Variants in INTS11 observed in about 807,000 individuals in gnomAD.
INTS11 encodes CPSF3-like protein.
A neutral mutation model predicts 78.6 loss-of-function variants in INTS11; 77 were observed. The ratio of observed to expected loss-of-function variants is 0.98; its 90% CI spans 0.81 to 1.18. INTS11 has a LOEUF of 1.18. Ranked by LOEUF, INTS11 falls within the 50% of genes most tolerant of loss-of-function variation. The probability of loss-of-function intolerance (pLI) is 0.00; values close to 1 mark genes in which losing one functional copy is unlikely to be tolerated. For synonymous variants in INTS11, 441 were observed against 326.9 expected, an observed-to-expected ratio of 1.35 and a Z score of -3.77; for missense variants, 875 against 825.9, an observed-to-expected ratio of 1.06 and a Z score of -0.73.
rs561688546 is a variant in INTS11 at position 1,312,751 on chromosome 1, C to A, written c.1294+36G>T. 22 of 1,596,134 alleles carry A rather than the reference C, an allele frequency of 1.4e-5. No individual in the cohort carries two copies. The African/African-American group carries it at 2.5e-4, about 18-fold the overall frequency. On this transcript the variant is annotated intron_variant, in intron 12 of 16. Transcript: ENST00000435064. ...TCAGCCCAGGCTGCCCGTGCTGACC[C>A]GAGGTGGGCCCCACGCCGCCCGCCC...
At chr1:1,322,257 A>G (rs1642989670) in intron 1 of INTS11, among the ~76,000 whole-genome samples, 1 of 151,772 alleles carries the variant, frequency 6.6e-6, no homozygotes, top group Non-Finnish European at 1.5e-5. Flanking sequence ...CCAGTCCTGA[A>G]GTACTGGCAG....
chr1:1,324,284 A>G (rs1292141842), intron 1 of INTS11, among the ~76,000 whole-genome samples: 1 of 151,776 alleles, frequency 6.6e-6, no homozygotes, highest in Admixed American at 6.5e-5. Context: ...CGGCACGGGG[A>G]GGTCAAGGCA....
intron 1 of INTS11, chr1:1,322,859 A>C: frequency 8.8e-7 from 1 of 1,139,778 alleles, no homozygotes; most frequent in Non-Finnish European, 1.1e-6. Context: ...GGTGCAGGGA[A>C]GCGGTGAAAC....
intron 15 of INTS11, 33 bp from the exon 16 acceptor site, chr1:1,312,180 C>A (rs1642221062): frequency 6.9e-7 from 1 of 1,456,966 alleles, no homozygotes; most frequent in East Asian, 2.4e-5. Context: ...CCTGCCTGGC[C>A]TCCAGGGCCC....
At chr1:1,315,652 C>T (rs748400079) in intron 4 of INTS11, 34 bp from the exon 5 acceptor site, 51 of 1,524,610 alleles carry the variant, frequency 3.3e-5, no homozygotes, top group Non-Finnish European at 4.6e-5. Flanking sequence ...AGGCTGTGTC[C>T]TCACAGCAGA....
Position 1,315,441 on chromosome 1 carries a change from G to A in INTS11, c.529-3C>T, listed in dbSNP as rs767544870. The A allele has an allele frequency of 1.9e-6, 3 of 1,613,110 alleles. No individual in the cohort carries two copies. Among genetic ancestry groups the A allele is most frequent in the Non-Finnish European group, 2.5e-6 (3 of 1,179,908 alleles). On this transcript the variant is annotated splice_polypyrimidine_tract_variant and splice_region_variant and intron_variant, in intron 5 of 16. Coordinates refer to ENST00000435064, the MANE Select transcript of INTS11 (RefSeq NM_017871.6). ...TCTGGGGTCATGTTATAATCACCCT[G>A]GTGAACGATCAAGGATGCCATGAGG...
At position 1,312,293 on chromosome 1, in the gene INTS11, G is replaced by C; in HGVS notation, c.1540C>G (p.Arg514Gly). The change falls in exon 15 of 17, where the codon CGC (arginine) becomes GGC (glycine). Residue 514 changes from arginine to glycine, a missense_variant. Arg to Gly is a moderately radical substitution (Grantham distance 125). Coordinates refer to ENST00000435064, the MANE Select transcript of INTS11 (RefSeq NM_017871.6). ...TTGCGTGTGTCATGCAGGTGCACGC[G>C]GCAGGTGAAGCGCAGCTGGTGCTCA... Reference protein sequence around the residue: ...LAEHQLRFTCRVHLHDTRKEQ... With the variant: ...LAEHQLRFTCGVHLHDTRKEQ... 6.4e-7 allele frequency: 1 copy of C among 1,550,522 alleles called. No individual in the cohort carries two copies. Among genetic ancestry groups the C allele is most frequent in the Non-Finnish European group, 8.7e-7 (1 of 1,147,154 alleles).
Position 1,312,471 on chromosome 1 carries a change from A to G in INTS11, c.1433T>C (p.Leu478Pro). 1 of 1,577,048 alleles carries G rather than the reference A, an allele frequency of 6.3e-7. No individual in the cohort carries two copies. Among genetic ancestry groups the G allele is most frequent in the Non-Finnish European group, 8.6e-7 (1 of 1,161,960 alleles). ...GLLPEAKKPR[L>P]LHGTLIMKDS... Reference sequence around the variant, plus strand: ...CTTCATGATCAGGGTGCCGTGCAGGAGCCGAGGCTTCTTGGCCTCAGGGAG... The same window carrying G: ...CTTCATGATCAGGGTGCCGTGCAGGGGCCGAGGCTTCTTGGCCTCAGGGAG... The change falls in exon 14 of 17, where the codon CTC becomes CCC. Residue 478 changes from leucine (L) to proline (P), a missense_variant. Leu to Pro is a moderately conservative substitution (Grantham distance 98, BLOSUM62 -3). Coordinates refer to ENST00000435064, the MANE Select transcript of INTS11 (RefSeq NM_017871.6).
At chr1:1,322,756 G>T in intron 1 of INTS11, 1 of 385,058 alleles carries the variant, frequency 2.6e-6, no homozygotes, top group South Asian at 1.0e-4. Flanking sequence ...CGGCGGCGGG[G>T]GGGGTAGCCA....
chr1:1,313,987 C>T (rs12569280), intron 8 of INTS11, 66 bp from the exon 9 acceptor site: 45 of 1,519,916 alleles, frequency 3.0e-5, no homozygotes, highest in South Asian at 1.3e-4. Context: ...AGGACTCGGC[C>T]GGGTCACCCC....
intron 2 of INTS11, 119 bp from the exon 3 acceptor site, chr1:1,320,648 C>T (rs1178417561): frequency 3.0e-6 from 3 of 1,002,580 alleles, no homozygotes; most frequent in Admixed American, 3.5e-5. Flanking sequence ...TCAGGCTGGG[C>T]ACTCCCATCC....
chr1:1,323,244 GC>G (rs1401167636), intron 1 of INTS11: 1 of 1,550,302 alleles, frequency 6.5e-7, no homozygotes, highest in African/African-American at 1.4e-5. Context: ...TCGACCCCCT[GC>G]CCGGTGGAAG....
chr1:1,313,428 G>T, intron 10 of INTS11, 81 bp downstream of exon 10: 1 of 1,507,676 alleles, frequency 6.6e-7, no homozygotes. Context: ...CCAAGCCAGT[G>T]AGAGCTCAGA....
Position 1,312,137 on chromosome 1 carries a change from C to T in INTS11, c.1618G>A (p.Asp540Asn). The part of the protein sequence containing the change: ...VYSHLKSVLK[D>N]HCVQHLPDGS... Reference sequence around the variant, plus strand: ...TCTGGGAGGTGCTGCACACAGTGGTCCTTCAGGACGCTGTGGGGAGGCTCG... The same window carrying T: ...TCTGGGAGGTGCTGCACACAGTGGTTCTTCAGGACGCTGTGGGGAGGCTCG... Residue 540 changes from aspartate to asparagine, a missense_variant, in exon 16 of 17, where the codon GAC becomes AAC. Transcript: ENST00000435064. 2 of 1,545,214 alleles carry T rather than the reference C, an allele frequency of 1.3e-6. No homozygotes were observed. Among genetic ancestry groups the T allele is most frequent in the Non-Finnish European group, 8.7e-7 (1 of 1,145,688 alleles).
At chr1:1,319,589 C>T in intron 3 of INTS11, 65 bp from the exon 4 acceptor site, 1 of 1,203,650 alleles carries the variant, frequency 8.3e-7, no homozygotes, top group Non-Finnish European at 1.2e-6. Flanking sequence ...CCGCTCTGGG[C>T]TTGTGGGTCA....
At chr1:1,319,665 C>A (rs889324768) in intron 3 of INTS11, 141 bp from the exon 4 acceptor site, 1 of 610,488 alleles carries the variant, frequency 1.6e-6, no homozygotes, top group Non-Finnish European at 2.9e-6. Context: ...CAGTAATGAG[C>A]AAACACAAAA....
intron 1 of INTS11, chr1:1,321,962 C>T (rs1382591713): frequency 2.9e-5 from 37 of 1,286,514 alleles, no homozygotes; most frequent in South Asian, 1.0e-4. Flanking sequence ...ATCAGGATGA[C>T]GGGGCCACAG....
intron 6 of INTS11, 154 bp downstream of exon 6, chr1:1,315,250 G>A (rs774164739): frequency 3.9e-4 from 357 of 923,100 alleles, no homozygotes; most frequent in Non-Finnish European, 5.5e-4. Context: ...GTGCCTTCGC[G>A]CATTTGGGCC....
At chr1:1,324,525 C>A (rs1643220634) in intron 1 of INTS11, 56 bp downstream of exon 1, 1 of 1,544,778 alleles carries the variant, frequency 6.5e-7, no homozygotes, top group Non-Finnish European at 8.8e-7. Flanking sequence ...GCGCCCAGCC[C>A]GCCCGGAGCC....
Sources: gnomAD v4.1 joint callset for allele counts (sites outside exome capture counted in the v4.1 genomes callset) on GRCh38, gnomAD v4.1.1 for gene constraint, MANE v1.5 for transcripts, NCBI Gene and HGNC (gene_info 2026-07-23, HGNC 2026-07-21) for gene names.